C2CD3: variants seen among roughly 807,000 people sequenced by gnomAD.
The protein encoded by C2CD3 is C2 domain containing 3 centriole elongation regulator.
A neutral mutation model predicts 234.0 loss-of-function variants in C2CD3; 148 were observed. The observed-to-expected ratio is 0.63, with a 90% CI of 0.55 to 0.72. The LOEUF (loss-of-function observed/expected upper bound fraction) is 0.72. C2CD3 is among the 30% of genes least tolerant of loss of function. The pLI is 0.00. For missense variants in C2CD3, 2,577 were observed against 2,811.5 expected (o/e 0.92, Z 1.89); for synonymous variants, 1,000 against 1,035.4 (o/e 0.97, Z 0.66).
At chr11:74,107,322 T>TCACACACACACACACACACACA (rs142285119) in intron 12 of C2CD3, among the ~76,000 whole-genome samples, 6 of 146,620 alleles carry the variant, frequency 4.1e-5, no homozygotes, top group African/African-American at 1.5e-4. Flanking sequence ...TGAAACTGTG[T>TCACACACACACACACACACACA]CACACACACA....
At chr11:74,163,462 C>T (rs184488480) in intron 2 of C2CD3, among the ~76,000 whole-genome samples, 2 of 152,292 alleles carry the variant, frequency 1.3e-5, no homozygotes, top group East Asian at 1.9e-4. Context: ...CCCATAATCC[C>T]CATGTGTCAT....
Position 74,118,402 on chromosome 11 carries a change from G to C in C2CD3, c.1366-20C>G. 6.2e-7 allele frequency: 1 copy of C among 1,603,092 alleles called. No individual in the cohort carries two copies. Among genetic ancestry groups the C allele is most frequent in the Non-Finnish European group, 8.5e-7 (1 of 1,171,078 alleles). On this transcript the variant is annotated intron_variant, in intron 8 of 32. Transcript: ENST00000334126. ...AGATTTCTATGGAGAGGAAGAAACA[G>C]AGACACTAAATGACTGCTGCTTTGG...
intron 21 of C2CD3, 105 bp downstream of exon 21, chr11:74,085,513 A>G: frequency 8.8e-7 from 1 of 1,136,134 alleles, no homozygotes; most frequent in Non-Finnish European, 1.3e-6. Flanking sequence ...AGAGATTATG[A>G]CTCCTCACCT....
intron 7 of C2CD3, among the ~76,000 whole-genome samples, chr11:74,130,937 ATCT>A (rs1434778727): frequency 1.3e-5 from 2 of 151,996 alleles, no homozygotes; most frequent in African/African-American, 4.8e-5. Context: ...ATGTATTTAA[ATCT>A]TCTTTATTTC....
chr11:74,070,401 C>T (rs1418565463), intron 24 of C2CD3: 1 of 152,254 alleles, frequency 6.6e-6, no homozygotes, highest in Non-Finnish European at 1.5e-5. Flanking sequence ...TCATTTCCTT[C>T]CTTAAGAAAG....
intron 25 of C2CD3, among the ~76,000 whole-genome samples, chr11:74,055,348 A>G (rs2135436989): frequency 6.6e-6 from 1 of 152,166 alleles, no homozygotes; most frequent in African/African-American, 2.4e-5. Flanking sequence ...CTGAAGTGGA[A>G]TCCACTGAAC....
chr11:74,022,394 C>A lies in C2CD3; in HGVS notation c.6921+5893G>T, dbSNP rs1243942540. Among the ~76,000 whole-genome samples, 4 of 152,078 alleles carry A rather than the reference C, an allele frequency of 2.6e-5. No homozygotes were observed. In the East Asian group the frequency reaches 5.8e-4, roughly 22 times the overall value. ...GAAGATGACAAGCTCAAGTTTTGGACAGAGTGAATTGTTTGTGACACATCG... is the reference window on the plus strand; with the variant it reads ...GAAGATGACAAGCTCAAGTTTTGGAAAGAGTGAATTGTTTGTGACACATCG... On this transcript the variant is annotated intron_variant, in intron 32 of 32. Coordinates refer to ENST00000334126, the MANE Select transcript of C2CD3 (RefSeq NM_001286577.2).
intron 14 of C2CD3, among the ~76,000 whole-genome samples, chr11:74,101,553 A>G (rs1347719548): frequency 6.6e-6 from 1 of 152,194 alleles, no homozygotes; most frequent in Non-Finnish European, 1.5e-5. Flanking sequence ...GAAACCAAAA[A>G]AAGTAAAACT....
At chr11:74,092,290 G>C in intron 19 of C2CD3, 126 bp downstream of exon 19, 3 of 754,192 alleles carry the variant, frequency 4.0e-6, no homozygotes, top group Non-Finnish European at 6.5e-6. Flanking sequence ...CCTGACCTCA[G>C]GTGATCCACC....
chr11:74,100,478 A>G (rs368957247), intron 15 of C2CD3, 47 bp downstream of exon 15: 5 of 1,525,168 alleles, frequency 3.3e-6, no homozygotes, highest in African/African-American at 2.8e-5. Flanking sequence ...CAGTCCATGC[A>G]AAGTTAAAGA....
chr11:74,141,276 C>T (rs1958039909), intron 3 of C2CD3, among the ~76,000 whole-genome samples: 1 of 152,198 alleles, frequency 6.6e-6, no homozygotes, highest in Non-Finnish European at 1.5e-5. Context: ...TAAAGTCCTT[C>T]AAATCTATTC....
chr11:74,169,288 G>A (rs979687968), intron 1 of C2CD3, among the ~76,000 whole-genome samples: 1 of 152,054 alleles, frequency 6.6e-6, no homozygotes, highest in African/African-American at 2.4e-5. Flanking sequence ...AGTATTTATT[G>A]GGTTTCATAA....
In C2CD3 at chr11:74,087,723, C is replaced by A. The variant is rs140213500; in HGVS notation, c.3642-1837G>T. Among the ~76,000 whole-genome samples the A allele has an allele frequency of 4.6e-5, 7 of 152,266 alleles. No homozygotes were observed. In the East Asian group the frequency reaches 1.4e-3, roughly 29 times the overall value. On this transcript the variant is annotated intron_variant, in intron 20 of 32. Coordinates refer to ENST00000334126, the MANE Select transcript of C2CD3 (RefSeq NM_001286577.2). ...ATGGCAGAAAGGCTTGGGCCCCAAG[C>A]TGGTTTGAATTCACTCATTCAGTCG...
intron 9 of C2CD3, among the ~76,000 whole-genome samples, chr11:74,116,268 A>G (rs1956923752): frequency 6.6e-6 from 1 of 152,180 alleles, no homozygotes; most frequent in South Asian, 2.1e-4. Context: ...GAATGCAAAC[A>G]AATTAGCAAG....
chr11:74,095,495 T>C, intron 16 of C2CD3, 87 bp from the exon 17 acceptor site: 1 of 993,754 alleles, frequency 1.0e-6, no homozygotes, highest in Non-Finnish European at 1.5e-6. Context: ...TGAGTATAGA[T>C]AAAGAGATAA....
intron 23 of C2CD3, among the ~76,000 whole-genome samples, chr11:74,074,826 C>T (rs1450313643): frequency 6.6e-6 from 1 of 152,312 alleles, no homozygotes; most frequent in Non-Finnish European, 1.5e-5. Context: ...GTGGCTCACA[C>T]CTGTAATCCC....
chr11:74,090,549 A>T (rs1344699512), intron 20 of C2CD3, among the ~76,000 whole-genome samples: 9 of 152,194 alleles, frequency 5.9e-5, no homozygotes, highest in Admixed American at 1.3e-4. Context: ...TTGATGGTGT[A>T]GGGTATGGCC....
At position 74,093,861 on chromosome 11, in the gene C2CD3, T is replaced by C. The variant is rs1200073785; in HGVS notation, c.3299A>G (p.Gln1100Arg). The change falls in exon 18 of 33, where the codon CAG becomes CGG. Residue 1100 changes from glutamine to arginine, a missense_variant. By Grantham distance (43) the Gln-to-Arg change is conservative (BLOSUM62 1). Coordinates refer to ENST00000334126, the MANE Select transcript of C2CD3 (RefSeq NM_001286577.2). The stretch of plus-strand genomic sequence containing the variant: ...GACTCCACCTCCAGGCACGAGGCCC[T>C]GTGCAGAGAAAGCACTTAGTAGGAG... The part of the protein sequence containing the change: ...QRLLLSAFSA[Q>R]GLVPGGGVQF... The C allele has an allele frequency of 1.9e-6, 3 of 1,613,952 alleles. No homozygotes were observed. Among genetic ancestry groups the C allele is most frequent in the Non-Finnish European group, 2.5e-6 (3 of 1,179,946 alleles).
chr11:74,071,990 T>C (rs1954814181), intron 24 of C2CD3, among the ~76,000 whole-genome samples: 2 of 152,120 alleles, frequency 1.3e-5, no homozygotes, highest in South Asian at 4.1e-4. Flanking sequence ...ATATCTTTTG[T>C]ATATTAAATT....
Sources: gnomAD v4.1 joint callset for allele counts (sites outside exome capture counted in the v4.1 genomes callset) on GRCh38, gnomAD v4.1.1 for gene constraint, MANE v1.5 for transcripts, NCBI Gene and HGNC (gene_info 2026-07-23, HGNC 2026-07-21) for gene names.